Variants in C2orf92 observed in about 807,000 individuals in gnomAD.
The protein encoded by C2orf92 is chromosome 2 open reading frame 92.
chr2:97,665,841 G>C (rs1675215591), upstream of C2orf92: 1 of 150,214 alleles, frequency 6.7e-6, no homozygotes, highest in Admixed American at 6.7e-5. Flanking sequence ...GCAGTTGCCT[G>C]ATATCAGCTC....
intron 3 of C2orf92, among the ~76,000 whole-genome samples, chr2:97,681,352 A>G (rs141298197): frequency 3.3e-4 from 50 of 152,342 alleles, no homozygotes; most frequent in African/African-American, 1.0e-3. Flanking sequence ...TTTTCAGATC[A>G]CAATGGAATG....
chr2:97,702,436 CCAGT>C (rs1452688900), intron 7 of C2orf92, among the ~76,000 whole-genome samples: 3 of 152,110 alleles, frequency 2.0e-5, no homozygotes, highest in Non-Finnish European at 2.9e-5. Flanking sequence ...CCCATAGGGA[CCAGT>C]CAAAGTTGTG....
At chr2:97,700,924 G>C (rs1364341277) in intron 6 of C2orf92, among the ~76,000 whole-genome samples, 2 of 151,802 alleles carry the variant, frequency 1.3e-5, no homozygotes, top group Non-Finnish European at 2.9e-5. Flanking sequence ...GTAGAGACGG[G>C]GTTTCACCGT....
Position 97,683,076 on chromosome 2 carries a change from CCACACA to C in C2orf92, c.233-5786_233-5781del, listed in dbSNP as rs760650490. Reference sequence around the variant, plus strand: ...TTATATGTTGAAAACCATATAGACTCCACACACACACACACACACACACACACACAC... The same window carrying C: ...TTATATGTTGAAAACCATATAGACTCCACACACACACACACACACACACAC... On this transcript the variant is annotated intron_variant, in intron 3 of 7. Coordinates refer to ENST00000627399, the MANE Select transcript of C2orf92 (RefSeq NM_001351368.2). Among the ~76,000 whole-genome samples, 36 of 143,270 alleles carry C rather than the reference CCACACA, an allele frequency of 2.5e-4. 4 individuals are homozygous for C. The highest frequency in any genetic ancestry group is 6.3e-4 in the Admixed American group (9 of 14,242). 94.0% of individuals were successfully genotyped at this position (143,270 alleles called of 152,430 possible).
At position 97,690,296 on chromosome 2, in the gene C2orf92, C is replaced by T; in HGVS notation, c.372C>T (p.Phe124=). The part of the protein sequence containing the change: ...IAWNSPKPEY[F]LGSVDKIPDK... The stretch of plus-strand genomic sequence containing the variant: ...GGAATTCTCCTAAACCAGAATATTT[C>T]CTTGGCAGTGTGGACAAAATTCCTG... Residue 124 remains phenylalanine, a synonymous_variant, in exon 5 of 8, where the codon TTC becomes TTT. Coordinates refer to ENST00000627399, the MANE Select transcript of C2orf92 (RefSeq NM_001351368.2). 2.5e-6 allele frequency: 1 copy of T among 398,922 alleles called. No homozygotes were observed. The highest frequency in any genetic ancestry group is 6.3e-4 in the Middle Eastern group (1 of 1,588). The allele number at this position is 398,922 out of a possible 1,614,324, so 24.7% of individuals were successfully genotyped here.
chr2:97,690,432 G>A (rs928048315), intron 5 of C2orf92, 105 bp downstream of exon 5: 16 of 380,732 alleles, frequency 4.2e-5, no homozygotes, highest in African/African-American at 3.3e-4. Flanking sequence ...CCAGGCTGGA[G>A]TACAGCGGTG....
intron 3 of C2orf92, among the ~76,000 whole-genome samples, chr2:97,678,190 A>G (rs1169343390): frequency 6.6e-6 from 1 of 151,176 alleles, no homozygotes; most frequent in Non-Finnish European, 1.5e-5. Context: ...ACAGAGCAAG[A>G]CTCTGCCTCA....
At chr2:97,680,434 C>G (rs1431499958) in intron 3 of C2orf92, among the ~76,000 whole-genome samples, 1 of 152,178 alleles carries the variant, frequency 6.6e-6, no homozygotes, top group Non-Finnish European at 1.5e-5. Context: ...CATGTATCTA[C>G]TGTCTCCAAG....
chr2:97,684,526 A>G (rs531575954), intron 3 of C2orf92, among the ~76,000 whole-genome samples: 1 of 152,368 alleles, frequency 6.6e-6, no homozygotes, highest in East Asian at 1.9e-4. Context: ...AGTCTCTTAG[A>G]AGTAAACATA....
chr2:97,700,272 T>A (rs1676447462), intron 6 of C2orf92, among the ~76,000 whole-genome samples: 1 of 152,162 alleles, frequency 6.6e-6, no homozygotes, highest in Non-Finnish European at 1.5e-5. Flanking sequence ...GGCCTTGTGT[T>A]TGCCTCGTGC....
At chr2:97,669,163 TATAAA>T (rs902944199), upstream of C2orf92, 2 of 152,216 alleles carry the variant, frequency 1.3e-5, no homozygotes, top group African/African-American at 4.8e-5. Context: ...GTTTAATACT[TATAAA>T]ATGTAATAGA....
intron 3 of C2orf92, among the ~76,000 whole-genome samples, chr2:97,686,579 C>T (rs576197553): frequency 1.3e-5 from 2 of 152,268 alleles, no homozygotes; most frequent in South Asian, 4.2e-4. Context: ...GCTACCATGC[C>T]CCGCTAATTT....
chr2:97,679,289 A>G (rs1675683418), intron 3 of C2orf92, among the ~76,000 whole-genome samples: 1 of 152,188 alleles, frequency 6.6e-6, no homozygotes, highest in Non-Finnish European at 1.5e-5. Context: ...AATGCATGAA[A>G]TAATAATTAC....
chr2:97,697,462 C>T (rs1443718249), intron 5 of C2orf92: 2 of 152,164 alleles, frequency 1.3e-5, no homozygotes, highest in Non-Finnish European at 2.9e-5. Context: ...AAGCGCGCCC[C>T]CTGGTGGATA....
intron 1 of C2orf92, chr2:97,670,422 G>T (rs1675377091): frequency 6.6e-6 from 1 of 151,686 alleles, no homozygotes; most frequent in South Asian, 2.1e-4. Context: ...AGCCCAAAAA[G>T]TCGAGGCTGC....
chr2:97,664,133 C>T (rs1675122030), upstream of C2orf92: 1 of 254,382 alleles, frequency 3.9e-6, no homozygotes, highest in Non-Finnish European at 7.5e-6. Flanking sequence ...GGGGCGGGGC[C>T]TCCGGAGGCT....
In C2orf92 at chr2:97,680,159, C is replaced by T. The variant is rs569279230; in HGVS notation, c.232+4231C>T. On this transcript the variant is annotated intron_variant, in intron 3 of 7. Transcript: ENST00000627399. ...TACTAAAACACAAAAATTAGCTGAG[C>T]GTGATGGTGCATGCCTGTAATCCCA... Among the ~76,000 whole-genome samples, 14 of 152,126 alleles carry T rather than the reference C, an allele frequency of 9.2e-5. No homozygotes were observed. The East Asian group carries it at 1.7e-3, about 19-fold the overall frequency.
intron 6 of C2orf92, among the ~76,000 whole-genome samples, 171 bp from the exon 7 acceptor site, chr2:97,700,983 A>G (rs55757705): frequency 0.065 from 9,818 of 152,102 alleles, 656 homozygotes; most frequent in African/African-American, 0.17. Flanking sequence ...CGCCCGCCTC[A>G]GCCTCCCAAA....
At chr2:97,678,058 G>C (rs1675638629) in intron 3 of C2orf92, among the ~76,000 whole-genome samples, 1 of 151,984 alleles carries the variant, frequency 6.6e-6, no homozygotes, top group African/African-American at 2.4e-5. Context: ...AAATTAGCAG[G>C]GCGTGGTGGT....
Sources: allele counts gnomAD v4.1 joint callset (sites outside exome capture counted in the v4.1 genomes callset), GRCh38; gene constraint gnomAD v4.1.1; transcripts MANE v1.5; gene names NCBI Gene and HGNC (gene_info 2026-07-23, HGNC 2026-07-21).